Variants in CNBD1 observed in about 807,000 individuals in gnomAD.
The protein encoded by CNBD1 is cyclic nucleotide binding domain containing 1.
In CNBD1, 71 loss-of-function variants were observed where a neutral mutation model predicts 54.4. The observed-to-expected ratio is 1.30, with a 90% CI of 1.08 to 1.59. CNBD1 has a LOEUF of 1.59. Among genes scored for constraint, CNBD1 ranks in the 40% most tolerant of loss-of-function variants. The probability of loss-of-function intolerance (pLI) is 0.00; values close to 1 mark genes in which losing one functional copy is unlikely to be tolerated. For synonymous variants in CNBD1, 182 were observed against 170.7 expected, an observed-to-expected ratio of 1.07 and a Z score of -0.51; for missense variants, 659 against 518.0, an observed-to-expected ratio of 1.27 and a Z score of -2.64.
At chr8:87,343,828 A>T (rs550270396) in intron 8 of CNBD1, among the ~76,000 whole-genome samples, 1 of 152,210 alleles carries the variant, frequency 6.6e-6, no homozygotes, top group Admixed American at 6.5e-5. Flanking sequence ...TCTGAAATAC[A>T]GTTTTGTATA....
intron 2 of CNBD1, among the ~76,000 whole-genome samples, chr8:87,427,428 C>G (rs16868492): frequency 6.6e-6 from 1 of 151,836 alleles, no homozygotes; most frequent in Non-Finnish European, 1.5e-5. Context: ...ATAGGTTTAC[C>G]GATATGTAGT....
At chr8:87,149,696 C>T (rs754475713) in intron 4 of CNBD1, among the ~76,000 whole-genome samples, 21 of 152,096 alleles carry the variant, frequency 1.4e-4, no homozygotes, top group South Asian at 1.0e-3. Flanking sequence ...CAGAGCATGA[C>T]GTGGACTCTT....
At chr8:87,370,188 A>G (rs1051878572) in intron 10 of CNBD1, among the ~76,000 whole-genome samples, 5 of 151,762 alleles carry the variant, frequency 3.3e-5, no homozygotes, top group Non-Finnish European at 5.9e-5. Flanking sequence ...CAATAAACAT[A>G]CGTGTGCATG....
chr8:87,162,135 G>C (rs1393987718), intron 4 of CNBD1, among the ~76,000 whole-genome samples: 1 of 151,840 alleles, frequency 6.6e-6, no homozygotes, highest in African/African-American at 2.4e-5. Flanking sequence ...AATATTTTTT[G>C]CCTGCTTCTC....
intron 2 of CNBD1, among the ~76,000 whole-genome samples, chr8:87,406,061 C>T (rs1239423835): frequency 6.6e-6 from 1 of 151,964 alleles, no homozygotes; most frequent in Non-Finnish European, 1.5e-5. Context: ...TATTTATCAA[C>T]CTAAAACATT....
chr8:87,269,650 C>T (rs1253986338), intron 6 of CNBD1, among the ~76,000 whole-genome samples: 1 of 152,014 alleles, frequency 6.6e-6, no homozygotes, highest in African/African-American at 2.4e-5. Flanking sequence ...TCATAAGCTG[C>T]ATTCCTATGT....
chr8:87,097,013 T>G (rs1164411730), intron 4 of CNBD1, among the ~76,000 whole-genome samples: 1 of 152,130 alleles, frequency 6.6e-6, no homozygotes, highest in East Asian at 1.9e-4. Flanking sequence ...CTACATAGCT[T>G]TCTCTTCGTT....
intron 4 of CNBD1, among the ~76,000 whole-genome samples, chr8:86,995,232 A>G (rs1233881433): frequency 6.6e-6 from 1 of 152,226 alleles, no homozygotes; most frequent in Non-Finnish European, 1.5e-5. Flanking sequence ...ATAAATATTT[A>G]TGAAACAGAA....
chr8:87,316,869 G>A (rs961539366), intron 8 of CNBD1, among the ~76,000 whole-genome samples: 3 of 151,504 alleles, frequency 2.0e-5, no homozygotes, highest in Admixed American at 1.3e-4. Context: ...AGTATTAATC[G>A]ATATGAATTT....
chr8:86,944,331 T>C (rs1410454823), intron 4 of CNBD1, among the ~76,000 whole-genome samples: 1 of 152,214 alleles, frequency 6.6e-6, no homozygotes, highest in South Asian at 2.1e-4. Flanking sequence ...GAACACACAA[T>C]ATCTTTGCCC....
chr8:86,889,094 A>G (rs1424234673), intron 2 of CNBD1, among the ~76,000 whole-genome samples: 1 of 152,106 alleles, frequency 6.6e-6, no homozygotes, highest in African/African-American at 2.4e-5. Flanking sequence ...AGAAACCCAA[A>G]TCCTGAAATT....
chr8:86,929,294 G>T (rs1563825538), intron 3 of CNBD1, among the ~76,000 whole-genome samples: 1 of 152,156 alleles, frequency 6.6e-6, no homozygotes, highest in Non-Finnish European at 1.5e-5. Flanking sequence ...GGGCATGTAG[G>T]ATTAGAGAAG....
chr8:87,185,870 C>A (rs1813464913), intron 4 of CNBD1, among the ~76,000 whole-genome samples: 1 of 152,126 alleles, frequency 6.6e-6, no homozygotes, highest in Non-Finnish European at 1.5e-5. Context: ...CTTTGACTGT[C>A]TCCTCAGTTA....
At chr8:87,188,295 A>C (rs540741135) in intron 4 of CNBD1, among the ~76,000 whole-genome samples, 5 of 152,254 alleles carry the variant, frequency 3.3e-5, no homozygotes, top group African/African-American at 1.2e-4. Flanking sequence ...CACATGCATA[A>C]GTTGTGTTTA....
chr8:86,925,090 A>G (rs915255375), intron 3 of CNBD1, among the ~76,000 whole-genome samples: 3 of 152,310 alleles, frequency 2.0e-5, no homozygotes, highest in South Asian at 2.1e-4. Flanking sequence ...CAGGATTTCA[A>G]TATTGACTGT....
At chr8:86,918,128 G>T (rs1283816086) in intron 3 of CNBD1, among the ~76,000 whole-genome samples, 1 of 152,050 alleles carries the variant, frequency 6.6e-6, no homozygotes, top group African/African-American at 2.4e-5. Flanking sequence ...AATATGAGAA[G>T]CTGCAGAGGA....
At chr8:87,148,031 T>C (rs972554815) in intron 4 of CNBD1, among the ~76,000 whole-genome samples, 1 of 152,168 alleles carries the variant, frequency 6.6e-6, no homozygotes, top group African/African-American at 2.4e-5. Flanking sequence ...TAGAGTTTTT[T>C]AAAAAGTGTA....
intron 4 of CNBD1, among the ~76,000 whole-genome samples, chr8:87,069,287 T>C (rs1255823562): frequency 6.6e-6 from 1 of 152,090 alleles, no homozygotes; most frequent in Non-Finnish European, 1.5e-5. Flanking sequence ...GCAATGCCTA[T>C]GTCAAGCAGT....
intron 4 of CNBD1, among the ~76,000 whole-genome samples, chr8:86,963,276 C>G (rs1807980794): frequency 6.6e-6 from 1 of 152,116 alleles, no homozygotes; most frequent in Non-Finnish European, 1.5e-5. Flanking sequence ...TTTGAGTTCC[C>G]TAGACCCTAT....
Sources: allele counts gnomAD v4.1 joint callset (sites outside exome capture counted in the v4.1 genomes callset), GRCh38; gene constraint gnomAD v4.1.1; transcripts MANE v1.5; gene names NCBI Gene and HGNC (gene_info 2026-07-23, HGNC 2026-07-21).